ALK: variants seen among roughly 807,000 people sequenced by gnomAD.
The protein encoded by ALK is ALK tyrosine kinase receptor.
ALK carries 74 observed loss-of-function variants against 163.1 expected under a neutral mutation model. The observed-to-expected ratio is 0.45, with a 90% CI of 0.38 to 0.55. The LOEUF (loss-of-function observed/expected upper bound fraction) is 0.55, where lower values mean the gene tolerates loss of function less well. Among genes scored for constraint, ALK ranks in the 20% least tolerant of loss-of-function variants. ALK has a pLI of 0.00. For missense variants in ALK, 2,063 were observed against 2,105.3 expected, an observed-to-expected ratio of 0.98 and a Z score of 0.39; for synonymous variants, 960 against 843.2, an observed-to-expected ratio of 1.14 and a Z score of -2.40.
At chr2:29,734,119 AG>A (rs1679822977) in intron 1 of ALK, among the ~76,000 whole-genome samples, 1 of 152,174 alleles carries the variant, frequency 6.6e-6, no homozygotes, top group Admixed American at 6.5e-5. Context: ...GCAGCGGGAA[AG>A]GGCAGAGATC....
intron 3 of ALK, among the ~76,000 whole-genome samples, chr2:29,628,743 G>GTT (rs1676270055): frequency 1.3e-5 from 2 of 152,200 alleles, no homozygotes; most frequent in Non-Finnish European, 2.9e-5. Flanking sequence ...TAGTTCATGT[G>GTT]TGATCTCAAG....
intron 11 of ALK, among the ~76,000 whole-genome samples, chr2:29,259,046 T>C (rs2148203842): frequency 6.6e-6 from 1 of 152,320 alleles, no homozygotes; most frequent in African/African-American, 2.4e-5. Context: ...TATTTCCAAC[T>C]CAAATTCAGG....
intron 6 of ALK, among the ~76,000 whole-genome samples, chr2:29,327,695 GGTGAATTGTAT>G (rs1371453763): frequency 1.3e-5 from 2 of 152,188 alleles, no homozygotes; most frequent in African/African-American, 2.4e-5. Context: ...ACTTGAAGTG[GGTGAATTGTAT>G]GTGAATTGTA....
intron 3 of ALK, among the ~76,000 whole-genome samples, chr2:29,545,688 T>C (rs1673534781): frequency 6.6e-6 from 1 of 152,162 alleles, no homozygotes; most frequent in Non-Finnish European, 1.5e-5. Flanking sequence ...GCTCTGTTAC[T>C]CTCCACCACC....
chr2:29,343,046 C>A (rs1277725822), intron 5 of ALK, among the ~76,000 whole-genome samples: 2 of 151,154 alleles, frequency 1.3e-5, no homozygotes, highest in African/African-American at 2.4e-5. Flanking sequence ...CCATGCCCAG[C>A]TAATTTTTCT....
chr2:29,369,308 T>TTGTGTGTGTG (rs3054016), intron 5 of ALK, among the ~76,000 whole-genome samples: 2,969 of 145,346 alleles, frequency 0.02, 103 homozygotes, highest in African/African-American at 0.067. Flanking sequence ...ACGTGCATAT[T>TTGTGTGTGTG]TGTGTGTGTG....
At chr2:29,588,874 C>T (rs535556884) in intron 3 of ALK, among the ~76,000 whole-genome samples, 1 of 152,274 alleles carries the variant, frequency 6.6e-6, no homozygotes, top group Non-Finnish European at 1.5e-5. Flanking sequence ...TCTTAACTTG[C>T]GGGCCAGACA....
At chr2:29,895,683 T>G (rs989012897) in intron 1 of ALK, among the ~76,000 whole-genome samples, 24 of 152,230 alleles carry the variant, frequency 1.6e-4, no homozygotes, top group African/African-American at 4.6e-4. Context: ...TTAGTAGTCC[T>G]TCCAGTGGCT....
At chr2:29,640,734 G>A (rs1389843138) in intron 3 of ALK, among the ~76,000 whole-genome samples, 3 of 152,134 alleles carry the variant, frequency 2.0e-5, no homozygotes, top group Non-Finnish European at 4.4e-5. Flanking sequence ...TCCTTTTGGG[G>A]CTTACTATTA....
Position 29,227,429 on chromosome 2 carries a change from G to A in ALK, c.2914+145C>T. On this transcript the variant is annotated intron_variant, in intron 17 of 28. Transcript: ENST00000389048. The surrounding 1 kb of genome is among the most constrained non-coding windows in gnomAD (Gnocchi z 4.4). ...CACATCCTGACTTCTGGAAAATGTGGTGACCTGCGCCATAGGAAGCTTGCC... is the reference window on the plus strand; with the variant it reads ...CACATCCTGACTTCTGGAAAATGTGATGACCTGCGCCATAGGAAGCTTGCC... 2 of 788,294 alleles carry A rather than the reference G, an allele frequency of 2.5e-6. No individual in the cohort carries two copies. Among genetic ancestry groups the A allele is most frequent in the Non-Finnish European group, 2.2e-6 (1 of 449,942 alleles). 48.8% of individuals were successfully genotyped at this position (788,294 alleles called of 1,614,324 possible).
At chr2:29,886,653 G>T (rs548731833) in intron 1 of ALK, among the ~76,000 whole-genome samples, 1 of 152,312 alleles carries the variant, frequency 6.6e-6, no homozygotes, top group South Asian at 2.1e-4. Context: ...AAACCCGGGT[G>T]AAAGAGACAC....
At chr2:29,765,349 C>T (rs1680828780) in intron 1 of ALK, among the ~76,000 whole-genome samples, 1 of 152,130 alleles carries the variant, frequency 6.6e-6, no homozygotes, top group African/African-American at 2.4e-5. Context: ...TTTCTCACTG[C>T]CCTATCCCAG....
intron 4 of ALK, among the ~76,000 whole-genome samples, chr2:29,524,534 G>T (rs760506711): frequency 6.6e-6 from 1 of 152,230 alleles, no homozygotes; most frequent in African/African-American, 2.4e-5. Flanking sequence ...TATAAAGGAG[G>T]TGAATAATAT....
At chr2:29,901,019 A>AAGCAAGCT (rs1667402934) in intron 1 of ALK, among the ~76,000 whole-genome samples, 1 of 149,472 alleles carries the variant, frequency 6.7e-6, no homozygotes, top group African/African-American at 2.6e-5. Flanking sequence ...GCAAGCAAGC[A>AAGCAAGCT]AGCAAGCAAG....
At chr2:29,778,849 G>A (rs187769454) in intron 1 of ALK, among the ~76,000 whole-genome samples, 89 of 152,190 alleles carry the variant, frequency 5.8e-4, no homozygotes, top group African/African-American at 2.1e-3. Flanking sequence ...CTGTCTGAGA[G>A]AAAATGGAAT....
chr2:29,624,167 G>A (rs1676121954), intron 3 of ALK, among the ~76,000 whole-genome samples: 2 of 24,012 alleles, frequency 8.3e-5, no homozygotes, highest in Admixed American at 9.1e-4. Flanking sequence ...CACCAGTCCT[G>A]CTCTCGCTGG....
intron 9 of ALK, among the ~76,000 whole-genome samples, chr2:29,288,046 CA>C (rs1665906481): frequency 6.7e-6 from 1 of 148,542 alleles, no homozygotes; most frequent in African/African-American, 2.4e-5. Flanking sequence ...TGATGACTAA[CA>C]CACTCATGGG....
intron 3 of ALK, among the ~76,000 whole-genome samples, chr2:29,563,330 G>A (rs926142626): frequency 3.9e-5 from 6 of 152,210 alleles, no homozygotes; most frequent in African/African-American, 1.2e-4. Context: ...TAGATTCCAC[G>A]GGGTGGAGAG....
chr2:29,230,448 G>A (rs886247841), intron 15 of ALK, among the ~76,000 whole-genome samples: 1 of 152,154 alleles, frequency 6.6e-6, no homozygotes, highest in African/African-American at 2.4e-5. Flanking sequence ...ATGGTGGAAG[G>A]CAGAAACAGC....
Sources: gnomAD v4.1 joint callset for allele counts (sites outside exome capture counted in the v4.1 genomes callset) on GRCh38, gnomAD v4.1.1 for gene constraint, Gnocchi (gnomAD v3.1) non-coding constraint, MANE v1.5 for transcripts, NCBI Gene and HGNC (gene_info 2026-07-23, HGNC 2026-07-21) for gene names.